The following ELFN2 variants were observed in gnomAD, a reference collection of about 807,000 sequenced individuals.
ELFN2 encodes extracellular leucine rich repeat and fibronectin type III domain containing 2, also known as protein phosphatase 1 regulatory subunit 29.
In ELFN2, 17 loss-of-function variants were observed where a neutral mutation model predicts 45.5. The ratio of observed to expected loss-of-function variants is 0.37; its 90% confidence interval spans 0.26 to 0.56. The LOEUF (loss-of-function observed/expected upper bound fraction) is 0.56, where lower values mean the gene tolerates loss of function less well. Ranked by LOEUF, ELFN2 falls within the 20% of genes least tolerant of loss-of-function variation. The pLI, the probability that ELFN2 is intolerant of heterozygous loss-of-function variation, is 0.77. For synonymous variants in ELFN2, 550 were observed against 551.5 expected, an observed-to-expected ratio of 1.00 and a Z score of 0.04; for missense variants, 922 against 1,183.2, an observed-to-expected ratio of 0.78 and a Z score of 3.24.
At chr22:37,386,272 C>T (rs1477986458) in intron 2 of ELFN2, among the ~76,000 whole-genome samples, 2 of 152,152 alleles carry the variant, frequency 1.3e-5, no homozygotes, top group Non-Finnish European at 2.9e-5. Flanking sequence ...CACCAAGGGG[C>T]CCTGGGGTTT....
intron 2 of ELFN2, among the ~76,000 whole-genome samples, chr22:37,401,931 C>T (rs5750430): frequency 0.48 from 73,402 of 152,030 alleles, 18,148 homozygotes; most frequent in African/African-American, 0.57. Flanking sequence ...TCCCTGCCTG[C>T]GGGGTCTGCC....
chr22:37,398,119 T>TC (rs1932266007), intron 2 of ELFN2, among the ~76,000 whole-genome samples: 2 of 152,090 alleles, frequency 1.3e-5, no homozygotes, highest in African/African-American at 4.8e-5. Flanking sequence ...TCTAACAGGG[T>TC]CCCCATTTGA....
At chr22:37,426,576 C>T (rs1051362024) in intron 1 of ELFN2, among the ~76,000 whole-genome samples, 3 of 150,566 alleles carry the variant, frequency 2.0e-5, no homozygotes, top group Non-Finnish European at 3.0e-5. Context: ...ACCCCCTCCC[C>T]GTCCCCTGAC....
In ELFN2 at chr22:37,373,923, C is replaced by T; in HGVS notation, c.1612G>A (p.Ala538Thr). 1 of 1,613,368 alleles carries T rather than the reference C, an allele frequency of 6.2e-7. No homozygotes were observed. Among genetic ancestry groups the T allele is most frequent in the Non-Finnish European group, 8.5e-7 (1 of 1,179,980 alleles). ...QGSAAEISTI[A>T]KEVDKVNQII... is the part of the protein sequence containing the mutation. The stretch of plus-strand genomic sequence containing the variant: ...TGGTTGACCTTGTCCACCTCCTTGG[C>T]AATGGTGGAGATCTCTGCAGCCGAG... The change falls in exon 3 of 3, where the codon GCC becomes ACC. Residue 538 changes from alanine (A) to threonine (T), a missense_variant. Ala to Thr is a moderately conservative substitution (Grantham distance 58). This residue lies in a region of ELFN2 where 564 missense variants were observed against 642.8 expected (regional missense o/e 0.88). Transcript: ENST00000402918.
rs373289631 is a variant in ELFN2 at position 37,378,822 on chromosome 22, G to T, written c.-462-2826C>A. Among the ~76,000 whole-genome samples, 299 of 152,382 alleles carry T rather than the reference G, an allele frequency of 2.0e-3. 1 individual carries two copies. Among genetic ancestry groups the T allele is most frequent in the African/African-American group, 6.9e-3 (289 of 41,590 alleles). ...ACGCGGCCAGGGAGGGAACAGAGAGGCCAAGGCAGAGAAGGCGCTGACAGC... is the reference window on the plus strand; with the variant it reads ...ACGCGGCCAGGGAGGGAACAGAGAGTCCAAGGCAGAGAAGGCGCTGACAGC... On this transcript the variant is annotated intron_variant, in intron 2 of 2. Coordinates refer to ENST00000402918, the MANE Select transcript of ELFN2 (RefSeq NM_052906.5).
chr22:37,423,746 G>C (rs1932827744), intron 1 of ELFN2, among the ~76,000 whole-genome samples: 1 of 152,064 alleles, frequency 6.6e-6, no homozygotes, highest in Non-Finnish European at 1.5e-5. Context: ...CCCTTCCTCT[G>C]GCACCCCAGG....
chr22:37,381,347 G>A (rs1353646768), intron 2 of ELFN2, among the ~76,000 whole-genome samples: 1 of 152,106 alleles, frequency 6.6e-6, no homozygotes, highest in Non-Finnish European at 1.5e-5. Context: ...GCAAGGGGGA[G>A]TTGTCCACAA....
intron 2 of ELFN2, among the ~76,000 whole-genome samples, chr22:37,410,659 T>A (rs1187560687): frequency 6.6e-6 from 1 of 152,152 alleles, no homozygotes; most frequent in East Asian, 1.9e-4. Context: ...ACCGCAGGCG[T>A]GGATACTGCT....
chr22:37,378,697 C>T (rs1172302418), intron 2 of ELFN2, among the ~76,000 whole-genome samples: 1 of 152,264 alleles, frequency 6.6e-6, no homozygotes, highest in Non-Finnish European at 1.5e-5. Flanking sequence ...ACCCCCGTGA[C>T]TCAGACGGAG....
At chr22:37,399,125 C>T (rs1932294574) in intron 2 of ELFN2, among the ~76,000 whole-genome samples, 1 of 152,154 alleles carries the variant, frequency 6.6e-6, no homozygotes, top group Admixed American at 6.5e-5. Context: ...ACGTGAGCTT[C>T]TTACCCCTCT....
At chr22:37,410,845 C>A (rs528196392) in intron 2 of ELFN2, among the ~76,000 whole-genome samples, 2 of 152,218 alleles carry the variant, frequency 1.3e-5, no homozygotes, top group Non-Finnish European at 2.9e-5. Flanking sequence ...GCTCCTTCCA[C>A]GACATCCTGT....
intron 1 of ELFN2, among the ~76,000 whole-genome samples, chr22:37,361,579 C>T (rs1931087882): frequency 6.6e-6 from 1 of 152,092 alleles, no homozygotes; most frequent in Non-Finnish European, 1.5e-5. Flanking sequence ...CATGTATAGC[C>T]TTTTCCTCCA....
intron 2 of ELFN2, among the ~76,000 whole-genome samples, chr22:37,396,418 C>T (rs190238199): frequency 3.9e-5 from 6 of 152,324 alleles, no homozygotes; most frequent in Non-Finnish European, 5.9e-5. Context: ...ACTCTGTTAG[C>T]GCACTCATTT....
intron 2 of ELFN2, among the ~76,000 whole-genome samples, chr22:37,342,409 G>A (rs1930579945): frequency 1.3e-5 from 2 of 152,146 alleles, no homozygotes; most frequent in African/African-American, 4.8e-5. Context: ...TCTTGCAGAG[G>A]AGGGGGAGAA....
chr22:37,396,947 T>G lies in ELFN2; in HGVS notation c.-463+20822A>C, dbSNP rs113253343. Among the ~76,000 whole-genome samples, 901 of 152,246 alleles carry G rather than the reference T, an allele frequency of 5.9e-3. 7 individuals are homozygous for G. The highest frequency in any genetic ancestry group is 0.019 in the African/African-American group (783 of 41,542). On this transcript the variant is annotated intron_variant, in intron 2 of 2. Coordinates refer to ENST00000402918, the MANE Select transcript of ELFN2 (RefSeq NM_052906.5). ...TATCACTCACAGGGATCTCCTTTTT[T>G]TCCAGGCAGAGGGAGGCTTCCGGAG...
chr22:37,408,802 G>T (rs944525021), intron 2 of ELFN2, among the ~76,000 whole-genome samples: 1 of 152,198 alleles, frequency 6.6e-6, no homozygotes, highest in African/African-American at 2.4e-5. Flanking sequence ...TTCCCCACCT[G>T]TCAAGTAGGG....
At chr22:37,392,480 G>C (rs1932109367) in intron 2 of ELFN2, among the ~76,000 whole-genome samples, 1 of 152,052 alleles carries the variant, frequency 6.6e-6, no homozygotes, top group Non-Finnish European at 1.5e-5. Flanking sequence ...ACCACACCCA[G>C]CTAATTTTTG....
At chr22:37,385,388 T>C (rs1931921716) in intron 2 of ELFN2, 1 of 152,232 alleles carries the variant, frequency 6.6e-6, no homozygotes, top group African/African-American at 2.4e-5. Context: ...TGGGATCCTG[T>C]TTCATCTGGA....
chr22:37,407,014 A>G (rs1273613414), intron 2 of ELFN2, among the ~76,000 whole-genome samples: 1 of 152,270 alleles, frequency 6.6e-6, no homozygotes, highest in Non-Finnish European at 1.5e-5. Context: ...CATGCAGCCC[A>G]TGGCCTTGGC....
Sources: allele counts gnomAD v4.1 joint callset (sites outside exome capture counted in the v4.1 genomes callset), GRCh38; gene constraint gnomAD v4.1.1; regional missense constraint gnomAD v4.1.1; transcripts MANE v1.5; gene names NCBI Gene and HGNC (gene_info 2026-07-23, HGNC 2026-07-21).